The following ARHGAP40 variants were observed in gnomAD, a reference collection of about 807,000 sequenced individuals.
ARHGAP40 encodes rho GTPase-activating protein 40.
ARHGAP40 carries 43 observed loss-of-function variants against 73.5 expected under a neutral mutation model. The observed-to-expected ratio is 0.58, with a 90% CI of 0.46 to 0.75. The LOEUF is 0.75. Ranked by LOEUF, ARHGAP40 falls within the 30% of genes least tolerant of loss-of-function variation. The pLI, the probability that ARHGAP40 is intolerant of heterozygous loss-of-function variation, is 0.00. For missense variants in ARHGAP40, 734 were observed against 861.8 expected (o/e 0.85, Z 1.86); for synonymous variants, 300 against 352.8 (o/e 0.85, Z 1.68).
chr20:38,611,746 G>T (rs571556442), intron 1 of ARHGAP40, among the ~76,000 whole-genome samples: 6 of 149,350 alleles, frequency 4.0e-5, no homozygotes, highest in East Asian at 2.0e-4. Context: ...TAATTTTTTT[G>T]TGTGTTTTTA....
rs529267196 is a variant in ARHGAP40 at position 38,640,115 on chromosome 20, C to T, written c.1279+729C>T. On this transcript the variant is annotated intron_variant, in intron 9 of 14. Transcript: ENST00000373345. ...TCTTCTTCTTCTTCCTCCTCTTCTT[C>T]CTCTTCTTCCTCTTCTTTCTTCTTC... 4.9e-3 allele frequency among the ~76,000 whole-genome samples: 650 copies of T among 133,608 alleles called. 7 individuals carry two copies. Among genetic ancestry groups the T allele is most frequent in the Middle Eastern group, 0.014 (4 of 278 alleles). The allele number at this position is 133,608 out of a possible 152,430, so 87.7% of individuals were successfully genotyped here.
In ARHGAP40 at chr20:38,630,266, C is replaced by T. The variant is rs187570835; in HGVS notation, c.783+616C>T. Among the ~76,000 whole-genome samples, 221 of 150,610 alleles carry T rather than the reference C, an allele frequency of 1.5e-3. 1 individual carries two copies. Among genetic ancestry groups the T allele is most frequent in the African/African-American group, 5.0e-3 (206 of 40,920 alleles). On this transcript the variant is annotated intron_variant, in intron 5 of 14. Coordinates refer to ENST00000373345, the Ensembl canonical transcript of ARHGAP40. Reference sequence around the variant, plus strand: ...ACAAGGTCTCACTCTGTCACCCAGGCGGGAGTGCAGTGGTACCATCCCAGC... The same window carrying T: ...ACAAGGTCTCACTCTGTCACCCAGGTGGGAGTGCAGTGGTACCATCCCAGC...
intron 1 of ARHGAP40, among the ~76,000 whole-genome samples, chr20:38,610,896 T>C (rs6070761): frequency 1.8e-3 from 250 of 137,044 alleles, no homozygotes; most frequent in Middle Eastern, 3.7e-3. Context: ...TTTTTTTTTC[T>C]TTTTTTTTTT....
intron 5 of ARHGAP40, among the ~76,000 whole-genome samples, chr20:38,631,199 C>T (rs780512991): frequency 4.0e-5 from 6 of 151,506 alleles, no homozygotes; most frequent in Non-Finnish European, 5.9e-5. Flanking sequence ...GTAGTCTTAG[C>T]CACTTGGGAG....
rs79660331 is a variant in ARHGAP40 at position 38,641,869 on chromosome 20, T to C, written c.1362+61T>C. The stretch of plus-strand genomic sequence containing the variant: ...CTCAGCCCACAGCCACAGCCATGGC[T>C]TCAAATGTGCTCATTCATTCATTCA... On this transcript the variant is annotated intron_variant, in intron 10 of 14. Coordinates refer to ENST00000373345, the Ensembl canonical transcript of ARHGAP40. The C allele has an allele frequency of 1.3e-3, 1,575 of 1,169,226 alleles. 14 individuals are homozygous for C. In the African/African-American group the frequency reaches 0.023, roughly 17 times the overall value. The allele number at this position is 1,169,226 out of a possible 1,614,324, so 72.4% of individuals were successfully genotyped here. A position where few individuals can be genotyped will look rare whatever the true frequency, so the allele number is the denominator to read the frequency against.
At chr20:38,624,110 T>C (rs1465800390) in intron 2 of ARHGAP40, among the ~76,000 whole-genome samples, 1 of 152,162 alleles carries the variant, frequency 6.6e-6, no homozygotes, top group East Asian at 1.9e-4. Flanking sequence ...AGCTAGGTGG[T>C]TCTTGCTCAG....
At chr20:38,638,299 A>C (rs928139768) in intron 7 of ARHGAP40, among the ~76,000 whole-genome samples, 7 of 152,226 alleles carry the variant, frequency 4.6e-5, no homozygotes, top group Admixed American at 3.9e-4. Flanking sequence ...TGGGCAACAG[A>C]GAGAGACTCT....
intron 9 of ARHGAP40, among the ~76,000 whole-genome samples, chr20:38,640,402 G>T (rs747736277): frequency 1.3e-5 from 2 of 151,412 alleles, no homozygotes; most frequent in Non-Finnish European, 2.9e-5. Context: ...ACATTTTTTT[G>T]TAGTGACGGG....
chr20:38,641,466 G>T lies in ARHGAP40; in HGVS notation c.1280-260G>T, dbSNP rs145318415. Among the ~76,000 whole-genome samples, 346 of 152,316 alleles carry T rather than the reference G, an allele frequency of 2.3e-3. 2 individuals are homozygous for T. The highest frequency in any genetic ancestry group is 7.6e-3 in the African/African-American group (314 of 41,568). On this transcript the variant is annotated intron_variant, in intron 9 of 14. Coordinates refer to ENST00000373345, the Ensembl canonical transcript of ARHGAP40. ...TGCAGCCTGGACTGCATCTAGGTCT[G>T]TGCGGCATGTGCTTGCCTGCACATG...
At chr20:38,648,966 T>C (rs1234580615) in intron 14 of ARHGAP40, among the ~76,000 whole-genome samples, 1 of 152,178 alleles carries the variant, frequency 6.6e-6, no homozygotes, top group Non-Finnish European at 1.5e-5. Flanking sequence ...TTGTTTAGTG[T>C]GAAGGTTCAC....
intron 1 of ARHGAP40, among the ~76,000 whole-genome samples, chr20:38,611,413 C>T (rs935773300): frequency 7.6e-5 from 9 of 118,316 alleles, no homozygotes; most frequent in South Asian, 3.1e-4. Flanking sequence ...CTATTTAAAA[C>T]TTTTTTTTTT....
intron 2 of ARHGAP40, among the ~76,000 whole-genome samples, chr20:38,625,288 A>G (rs1208594162): frequency 1.3e-5 from 2 of 152,262 alleles, no homozygotes; most frequent in African/African-American, 2.4e-5. Flanking sequence ...GAGTGGAGTC[A>G]GAGTGGGTCA....
At chr20:38,620,423 T>C (rs2088868007) in intron 1 of ARHGAP40, among the ~76,000 whole-genome samples, 1 of 152,250 alleles carries the variant, frequency 6.6e-6, no homozygotes, top group African/African-American at 2.4e-5. Flanking sequence ...CTCAGAATGT[T>C]CTTCCAAAGA....
chr20:38,649,275 G>A (rs1165298695), intron 14 of ARHGAP40, among the ~76,000 whole-genome samples: 1 of 152,204 alleles, frequency 6.6e-6, no homozygotes, highest in African/African-American at 2.4e-5. Flanking sequence ...TGGTCGGGGG[G>A]CCACACTTTG....
chr20:38,610,219 AAG>A (rs1381575032), intron 1 of ARHGAP40, among the ~76,000 whole-genome samples: 1 of 152,180 alleles, frequency 6.6e-6, no homozygotes, highest in Admixed American at 6.5e-5. Flanking sequence ...CAACTTACAT[AAG>A]ATTTTAAAAA....
intron 9 of ARHGAP40, 131 bp from the exon 10 acceptor site, chr20:38,641,595 C>A: frequency 1.9e-6 from 1 of 536,936 alleles, no homozygotes; most frequent in Non-Finnish European, 3.0e-6. Context: ...AATAGTCCCA[C>A]ACCTTATGAA....
intron 3 of ARHGAP40, 67 bp from the exon 4 acceptor site, chr20:38,628,860 C>T: frequency 8.4e-7 from 1 of 1,191,954 alleles, no homozygotes; most frequent in Non-Finnish European, 1.1e-6. Flanking sequence ...GCTTCTGTCT[C>T]CCAGGGTTGT....
chr20:38,614,517 G>A (rs1423347196), intron 1 of ARHGAP40, among the ~76,000 whole-genome samples: 2 of 151,672 alleles, frequency 1.3e-5, no homozygotes, highest in East Asian at 1.9e-4. Flanking sequence ...TCAAGAAGGG[G>A]GAAAAAAAAC....
chr20:38,630,391 T>A (rs1428758190), intron 5 of ARHGAP40, among the ~76,000 whole-genome samples: 1 of 151,966 alleles, frequency 6.6e-6, no homozygotes. Flanking sequence ...AGCTAATTTT[T>A]AAAATTTTTT....
Sources: gnomAD v4.1 joint callset for allele counts (sites outside exome capture counted in the v4.1 genomes callset) on GRCh38, gnomAD v4.1.1 for gene constraint, MANE v1.5 for transcripts, NCBI Gene and HGNC (gene_info 2026-07-23, HGNC 2026-07-21) for gene names.